The following TCOF1 variants were observed in gnomAD, a reference collection of about 807,000 sequenced individuals.
TCOF1 encodes treacle protein.
TCOF1 carries 33 observed loss-of-function variants against 149.0 expected under a neutral mutation model. That is an observed-to-expected ratio of 0.22 (90% CI 0.17 to 0.30). The LOEUF is 0.30. TCOF1 is among the 10% of genes least tolerant of loss of function. The pLI, the probability that TCOF1 is intolerant of heterozygous loss-of-function variation, is 1.00. For synonymous variants in TCOF1, 789 were observed against 738.8 expected, an observed-to-expected ratio of 1.07 and a Z score of -1.10; for missense variants, 1,728 against 1,840.7, an observed-to-expected ratio of 0.94 and a Z score of 1.12.
At chr5:150,385,309 G>C (rs1766058555) in intron 17 of TCOF1, among the ~76,000 whole-genome samples, 1 of 152,190 alleles carries the variant, frequency 6.6e-6, no homozygotes, top group African/African-American at 2.4e-5. Context: ...TAGCATAATT[G>C]GTTCTAGAAG....
intron 1 of TCOF1, 61 bp from the exon 2 acceptor site, chr5:150,361,095 C>T: frequency 6.2e-7 from 1 of 1,608,384 alleles, no homozygotes; most frequent in South Asian, 1.1e-5. Context: ...GAGATCTGGG[C>T]CCAAGAAGGA....
chr5:150,362,801 G>A (rs949405837), intron 2 of TCOF1, among the ~76,000 whole-genome samples: 1 of 152,098 alleles, frequency 6.6e-6, no homozygotes, highest in Admixed American at 6.5e-5. Context: ...GTTATTCGTA[G>A]TACTTCCTTC....
intron 17 of TCOF1, 48 bp downstream of exon 17, chr5:150,379,780 G>T: frequency 6.3e-7 from 1 of 1,595,730 alleles, no homozygotes; most frequent in South Asian, 1.1e-5. Flanking sequence ...TCCTCAGAAC[G>T]GGGGTATAGG....
intron 5 of TCOF1, among the ~76,000 whole-genome samples, chr5:150,369,147 G>A (rs1761996229): frequency 6.6e-6 from 1 of 152,204 alleles, no homozygotes; most frequent in Non-Finnish European, 1.5e-5. Flanking sequence ...ACTCCCTGGT[G>A]AGTTACAGGG....
chr5:150,373,535 C>T (rs1004818415), intron 7 of TCOF1, among the ~76,000 whole-genome samples: 1 of 152,140 alleles, frequency 6.6e-6, no homozygotes, highest in African/African-American at 2.4e-5. Context: ...GAAGACAGGG[C>T]CTGCAGCCAC....
rs190989461 is a variant in TCOF1, at chr5:150,375,700, A to G, written c.1705-21A>G. On this transcript the variant is annotated intron_variant, in intron 11 of 26. Coordinates refer to ENST00000643257, the MANE Select transcript of TCOF1 (RefSeq NM_001371623.1). The stretch of plus-strand genomic sequence containing the variant: ...CACCTACCCTGGGCTCCCTCTCCCG[A>G]TCCTGTGTATCTCACTCCAGGAAAA... The G allele has an allele frequency of 2.6e-5, 42 of 1,614,046 alleles. No individual in the cohort carries two copies. In the East Asian group the frequency reaches 8.7e-4, roughly 33 times the overall value.
Position 150,376,308 on chromosome 5 carries a change from G to T in TCOF1, c.2120G>T (p.Gly707Val), listed in dbSNP as rs758726134. 6.2e-7 allele frequency: 1 copy of T among 1,614,140 alleles called. No homozygotes were observed. Among genetic ancestry groups the T allele is most frequent in the Admixed American group, 1.7e-5 (1 of 60,032 alleles). ...EESDSEEEKT[G>V]LAVTVGQAKS... ...TCAGATAGTGAGGAAGAGAAGACAG[G>T]TCTTGCAGTAACCGTGGGACAGGTG... The change falls in exon 13 of 27, where the codon GGT becomes GTT. Residue 707 changes from glycine (G) to valine (V), a missense_variant. By Grantham distance (109) the Gly-to-Val change is moderately radical. This residue lies in a region of TCOF1 where 1,696 missense variants were observed against 1,765.4 expected (regional missense o/e 0.96). Transcript: ENST00000643257.
chr5:150,396,097 A>G (rs1768441604), intron 23 of TCOF1, among the ~76,000 whole-genome samples, 185 bp from the exon 24 acceptor site: 1 of 152,132 alleles, frequency 6.6e-6, no homozygotes, highest in South Asian at 2.1e-4. Flanking sequence ...CAGGGTGTGA[A>G]ATTGGTGGAA....
chr5:150,398,532 GC>G, intron 25 of TCOF1, 81 bp downstream of exon 25: 1 of 1,598,570 alleles, frequency 6.3e-7, no homozygotes, highest in South Asian at 1.1e-5. Context: ...CCTGGTTCCT[GC>G]CCCCTTCCCA....
At chr5:150,383,766 C>A (rs1352744096) in intron 17 of TCOF1, 9 of 1,551,940 alleles carry the variant, frequency 5.8e-6, no homozygotes, top group Non-Finnish European at 7.8e-6. Flanking sequence ...ATCCCATGAG[C>A]TCTGCCCAGG....
At chr5:150,379,907 A>G (rs983679392) in intron 17 of TCOF1, 175 bp downstream of exon 17, 1 of 726,828 alleles carries the variant, frequency 1.4e-6, no homozygotes, top group African/African-American at 1.8e-5. Context: ...CCCCGTCTCT[A>G]CTAAAAATAT....
chr5:150,379,401 T>A lies in TCOF1; in HGVS notation c.2651T>A (p.Leu884Gln). The A allele has an allele frequency of 6.2e-7, 1 of 1,613,540 alleles. No individual in the cohort carries two copies. The highest frequency in any genetic ancestry group is 1.1e-5 in the South Asian group (1 of 91,042). The change falls in exon 16 of 27, where the codon CTG (leucine) becomes CAG (glutamine). Residue 884 changes from leucine (L) to glutamine (Q), a missense_variant. Leu to Gln is a moderately radical substitution (Grantham distance 113). Transcript: ENST00000643257. ...GACAGTGAGGAGGAGGCGGAGACGCTGGCTCAGGTGAGGGGGAGGGAATGG... is the reference window on the plus strand; with the variant it reads ...GACAGTGAGGAGGAGGCGGAGACGCAGGCTCAGGTGAGGGGGAGGGAATGG... ...ESDSEEEAETLAQVKPSGKTH... is the reference protein window; with the variant it reads ...ESDSEEEAETQAQVKPSGKTH...
chr5:150,362,244 A>G (rs908747281), intron 2 of TCOF1, among the ~76,000 whole-genome samples: 1 of 152,148 alleles, frequency 6.6e-6, no homozygotes, highest in African/African-American at 2.4e-5. Context: ...AAATTTATGT[A>G]CTCTTCAAGG....
rs746388438 is a variant in TCOF1, at chr5:150,375,200, G to A, written c.1488+37G>A. 6.2e-6 allele frequency: 10 copies of A among 1,612,774 alleles called. No individual in the cohort carries two copies. In the African/African-American group the frequency reaches 1.2e-4, roughly 19 times the overall value. ...AGCCGCCCTGCATGGCCTGTGCCCT[G>A]CCTCAAAAGACCTCCTGTGGTTTTG... On this transcript the variant is annotated intron_variant, in intron 10 of 26. Coordinates refer to ENST00000643257, the MANE Select transcript of TCOF1 (RefSeq NM_001371623.1).
Position 150,379,375 on chromosome 5 carries a change from A to C in TCOF1, c.2625A>C (p.Ser875=). The C allele has an allele frequency of 3.1e-6, 5 of 1,614,114 alleles. No homozygotes were observed. The highest frequency in any genetic ancestry group is 4.2e-6 in the Non-Finnish European group (5 of 1,179,982). The change falls in exon 16 of 27, where the codon TCA becomes TCC. Residue 875 remains serine (S), a synonymous_variant. Transcript: ENST00000643257. ...ACTCAGGGAGCAGTGAGGAGGAGTCAGACAGTGAGGAGGAGGCGGAGACGC... is the reference window on the plus strand; with the variant it reads ...ACTCAGGGAGCAGTGAGGAGGAGTCCGACAGTGAGGAGGAGGCGGAGACGC... ...EEDSGSSEEE[S]DSEEEAETLA...
chr5:150,367,285 A>G (rs1235073511), intron 3 of TCOF1, among the ~76,000 whole-genome samples: 3 of 152,186 alleles, frequency 2.0e-5, no homozygotes, highest in Non-Finnish European at 4.4e-5. Context: ...AGCCTGGGCG[A>G]CAGAGCAGGA....
intron 24 of TCOF1, among the ~76,000 whole-genome samples, chr5:150,397,499 G>T (rs1581229820): frequency 6.6e-6 from 1 of 152,166 alleles, no homozygotes; most frequent in South Asian, 2.1e-4. Context: ...CCTCATTTAG[G>T]TAGAAATGAG....
At chr5:150,364,280 G>A in intron 3 of TCOF1, 28 bp downstream of exon 3, 1 of 1,613,834 alleles carries the variant, frequency 6.2e-7, no homozygotes, top group Non-Finnish European at 8.5e-7. Flanking sequence ...TTGGGAACAG[G>A]CTATGGAATA....
rs1218706736 is a variant in TCOF1 at position 150,400,261 on chromosome 5, CAAAAAA to C, written c.*479_*484del. ...GTTTTTTGTTTTTTTTTTAATAACT[CAAAAAA>C]AAAATAAAAGACTTGGAGGAAGGGT... On this transcript the variant is annotated 3_prime_UTR_variant, in exon 27 of 27. Transcript: ENST00000643257. 2 of 146,196 alleles carry C rather than the reference CAAAAAA, an allele frequency of 1.4e-5. No individual in the cohort carries two copies. The highest frequency in any genetic ancestry group is 2.2e-4 in the South Asian group (1 of 4,632). 9.1% of individuals were successfully genotyped at this position (146,196 alleles called of 1,614,324 possible).
Sources: gnomAD v4.1 joint callset for allele counts (sites outside exome capture counted in the v4.1 genomes callset) on GRCh38, gnomAD v4.1.1 for gene constraint, gnomAD v4.1.1 regional missense constraint, MANE v1.5 for transcripts, NCBI Gene and HGNC (gene_info 2026-07-23, HGNC 2026-07-21) for gene names.